LAMA4: variants seen among roughly 807,000 people sequenced by gnomAD.
LAMA4 encodes the protein laminin subunit alpha-4.
In LAMA4, 127 loss-of-function variants were observed where a neutral mutation model predicts 207.1. The ratio of observed to expected loss-of-function variants is 0.61; its 90% CI spans 0.53 to 0.71. LAMA4 has a LOEUF of 0.71. Ranked by LOEUF, LAMA4 falls within the 30% of genes least tolerant of loss-of-function variation. LAMA4 has a pLI of 0.00. For synonymous variants in LAMA4, 761 were observed against 816.0 expected (o/e 0.93, Z 1.15); for missense variants, 2,093 against 2,246.5 (o/e 0.93, Z 1.38).
chr6:112,220,042 G>T (rs1784838595), intron 2 of LAMA4, among the ~76,000 whole-genome samples: 1 of 151,932 alleles, frequency 6.6e-6, no homozygotes, highest in African/African-American at 2.4e-5. Flanking sequence ...AGGCTGAAAT[G>T]GATAAAAAAT....
chr6:112,141,135 C>T (rs1383319444), intron 21 of LAMA4, among the ~76,000 whole-genome samples: 2 of 151,654 alleles, frequency 1.3e-5, no homozygotes, highest in African/African-American at 2.4e-5. Flanking sequence ...ATAATCAGAT[C>T]GTGATTTAGA....
At chr6:112,120,565 A>G (rs1778293728) in intron 32 of LAMA4, 93 bp from the exon 33 acceptor site, 2 of 956,224 alleles carry the variant, frequency 2.1e-6, no homozygotes, top group Non-Finnish European at 3.3e-6. Flanking sequence ...GGAAGAATAA[A>G]CAAGTAGCCA....
At chr6:112,235,627 A>G (rs1355017992) in intron 2 of LAMA4, among the ~76,000 whole-genome samples, 1 of 152,218 alleles carries the variant, frequency 6.6e-6, no homozygotes, top group Non-Finnish European at 1.5e-5. Flanking sequence ...GGAATTTTAA[A>G]AATTAATTCT....
At chr6:112,149,062 CA>C (rs1780209364) in intron 17 of LAMA4, among the ~76,000 whole-genome samples, 1 of 146,566 alleles carries the variant, frequency 6.8e-6, no homozygotes, top group African/African-American at 2.5e-5. Context: ...AACTGTAAAA[CA>C]ATTATAAATT....
At chr6:112,223,776 T>C (rs1431385342) in intron 2 of LAMA4, among the ~76,000 whole-genome samples, 1 of 152,218 alleles carries the variant, frequency 6.6e-6, no homozygotes, top group African/African-American at 2.4e-5. Context: ...TCCTTCCTTT[T>C]GCTCTTCCTC....
At chr6:112,172,119 T>A (rs115871487) in intron 12 of LAMA4, 1 of 176,046 alleles carries the variant, frequency 5.7e-6, no homozygotes, top group African/African-American at 2.4e-5. Context: ...TGACCATCTT[T>A]GCAAGCTATG....
chr6:112,160,349 C>T (rs1554338060), intron 13 of LAMA4, among the ~76,000 whole-genome samples: 2 of 152,110 alleles, frequency 1.3e-5, no homozygotes, highest in African/African-American at 2.4e-5. Flanking sequence ...AGCATGCTGC[C>T]CCATTGTCTT....
intron 2 of LAMA4, among the ~76,000 whole-genome samples, chr6:112,220,565 T>C (rs1221470043): frequency 6.6e-6 from 1 of 152,138 alleles, no homozygotes; most frequent in Non-Finnish European, 1.5e-5. Flanking sequence ...CAGAGGTTTA[T>C]CATATGATCA....
In LAMA4 at chr6:112,209,692, C is replaced by A. The variant is rs111243670; in HGVS notation, c.298-2547G>T. 9.4e-3 allele frequency among the ~76,000 whole-genome samples: 1,437 copies of A among 152,316 alleles called. 24 individuals carry two copies. Among genetic ancestry groups the A allele is most frequent in the African/African-American group, 0.032 (1,315 of 41,566 alleles). On this transcript the variant is annotated intron_variant, in intron 3 of 38. Coordinates refer to ENST00000230538, the MANE Select transcript of LAMA4 (RefSeq NM_001105206.3). Reference sequence around the variant, plus strand: ...TTAGACTAGATGGCCTTTCAGGTTTCTTCTAGCTCTGATAATTTTTTACTT... The same window carrying A: ...TTAGACTAGATGGCCTTTCAGGTTTATTCTAGCTCTGATAATTTTTTACTT...
rs200383297 is a variant in LAMA4 at position 112,139,927 on chromosome 6, A to G, written c.2977-42T>C. 2.5e-6 allele frequency: 4 copies of G among 1,604,100 alleles called. No individual in the cohort carries two copies. In the East Asian group the frequency reaches 6.7e-5, roughly 27 times the overall value. ...GTAAAACCACTTGTCTCATGGTCAT[A>G]TTTTACTCAGACATCACAGAACAGA... On this transcript the variant is annotated intron_variant, in intron 22 of 38. Transcript: ENST00000230538.
At chr6:112,224,263 C>A (rs1785079713) in intron 2 of LAMA4, among the ~76,000 whole-genome samples, 1 of 151,934 alleles carries the variant, frequency 6.6e-6, no homozygotes, top group East Asian at 1.9e-4. Context: ...CCTCCCTCCC[C>A]TTTATTATCC....
At chr6:112,203,039 G>A (rs1783849835) in intron 4 of LAMA4, among the ~76,000 whole-genome samples, 1 of 152,166 alleles carries the variant, frequency 6.6e-6, no homozygotes, top group Non-Finnish European at 1.5e-5. Flanking sequence ...TATGCAAATG[G>A]TCCCTGGGAA....
chr6:112,147,938 G>A (rs1427193215), intron 18 of LAMA4, among the ~76,000 whole-genome samples: 1 of 152,096 alleles, frequency 6.6e-6, no homozygotes, highest in Non-Finnish European at 1.5e-5. Flanking sequence ...AATCCATCTA[G>A]TGTTCATACG....
Position 112,201,628 on chromosome 6 carries a change from A to G in LAMA4, c.483T>C (p.Tyr161=), listed in dbSNP as rs1554352440. The change falls in exon 5 of 39, where the codon TAT becomes TAC. Residue 161 remains tyrosine, a synonymous_variant. Coordinates refer to ENST00000230538, the MANE Select transcript of LAMA4 (RefSeq NM_001105206.3). ...GAVRCICNEN[Y]AGPNCERCAP... is the part of the protein sequence containing the mutation. ...CTTACCTTTCACAGTTAGGTCCAGC[A>G]TAATTTTCGTTACAAATGCACCGAA... 3 of 1,613,798 alleles carry G rather than the reference A, an allele frequency of 1.9e-6. No individual in the cohort carries two copies. The highest frequency in any genetic ancestry group is 2.2e-5 in the East Asian group (1 of 44,894).
chr6:112,151,117 G>A (rs1173074800), intron 16 of LAMA4, among the ~76,000 whole-genome samples: 2 of 137,056 alleles, frequency 1.5e-5, no homozygotes, highest in African/African-American at 4.9e-5. Flanking sequence ...AACATAACCG[G>A]CATCCAAGTC....
chr6:112,130,875 GT>G (rs1223323573), intron 29 of LAMA4, 92 bp downstream of exon 29: 9 of 1,373,736 alleles, frequency 6.6e-6, no homozygotes, highest in African/African-American at 1.4e-5. Context: ...CATTAGAAAA[GT>G]TATAGGACAG....
intron 4 of LAMA4, among the ~76,000 whole-genome samples, chr6:112,203,462 A>G (rs1783876302): frequency 6.6e-6 from 1 of 152,244 alleles, no homozygotes; most frequent in Non-Finnish European, 1.5e-5. Flanking sequence ...AAGTAGCAAT[A>G]TGAATTTCTT....
intron 24 of LAMA4, among the ~76,000 whole-genome samples, chr6:112,137,932 A>G (rs1779451845): frequency 6.6e-6 from 1 of 152,190 alleles, no homozygotes; most frequent in African/African-American, 2.4e-5. Flanking sequence ...GTATTATCAT[A>G]ATAATGGATG....
chr6:112,200,094 C>G (rs965164515), intron 5 of LAMA4: 1 of 532,386 alleles, frequency 1.9e-6, no homozygotes, highest in Non-Finnish European at 3.9e-6. Context: ...TACAACACTG[C>G]GAGCAGCTGG....
Sources: allele counts gnomAD v4.1 joint callset (sites outside exome capture counted in the v4.1 genomes callset), GRCh38; gene constraint gnomAD v4.1.1; transcripts MANE v1.5; gene names NCBI Gene and HGNC (gene_info 2026-07-23, HGNC 2026-07-21).